CAMKMT: variants seen among roughly 807,000 people sequenced by gnomAD.
The protein encoded by CAMKMT is calmodulin-lysine N-methyltransferase, also known as CaM KMT.
Under a neutral mutation model 48.0 loss-of-function variants are expected in CAMKMT, and 53 were observed. The observed-to-expected ratio is 1.10, with a 90% CI of 0.89 to 1.39. The LOEUF (loss-of-function observed/expected upper bound fraction) is 1.39, where lower values mean the gene tolerates loss of function less well. Ranked by LOEUF, CAMKMT falls within the 40% of genes most tolerant of loss-of-function variation. The pLI is 0.00. For synonymous variants in CAMKMT, 165 were observed against 152.3 expected, an observed-to-expected ratio of 1.08 and a Z score of -0.61; for missense variants, 428 against 402.7, an observed-to-expected ratio of 1.06 and a Z score of -0.54.
At chr2:44,546,202 C>T (rs186728993) in intron 3 of CAMKMT, among the ~76,000 whole-genome samples, 3 of 138,924 alleles carry the variant, frequency 2.2e-5, no homozygotes, top group African/African-American at 7.5e-5. Context: ...CACACACACA[C>T]ATACATGCAC....
At chr2:44,494,052 G>A (rs1265412074) in intron 3 of CAMKMT, among the ~76,000 whole-genome samples, 2 of 152,084 alleles carry the variant, frequency 1.3e-5, no homozygotes, top group Non-Finnish European at 2.9e-5. Context: ...TTAACTTACT[G>A]CCAAATAAGA....
intron 3 of CAMKMT, among the ~76,000 whole-genome samples, chr2:44,660,146 A>G (rs1674602924): frequency 6.6e-6 from 1 of 152,222 alleles, no homozygotes; most frequent in African/African-American, 2.4e-5. Flanking sequence ...AATGGGTAAA[A>G]CATTCTTATA....
At chr2:44,516,638 C>T (rs1029822436) in intron 3 of CAMKMT, among the ~76,000 whole-genome samples, 1 of 151,262 alleles carries the variant, frequency 6.6e-6, no homozygotes, top group Non-Finnish European at 1.5e-5. Context: ...AATTATATGG[C>T]CTTTCAATAA....
chr2:44,608,649 A>C (rs1280439681), intron 3 of CAMKMT, among the ~76,000 whole-genome samples: 2 of 151,834 alleles, frequency 1.3e-5, no homozygotes, highest in Non-Finnish European at 2.9e-5. Flanking sequence ...CCTCTTGATT[A>C]TCTCTCTCTC....
chr2:44,440,356 A>G (rs1666571556), intron 3 of CAMKMT, among the ~76,000 whole-genome samples: 1 of 152,138 alleles, frequency 6.6e-6, no homozygotes, highest in African/African-American at 2.4e-5. Flanking sequence ...TTTTGGATGA[A>G]GAACCCAACA....
intron 3 of CAMKMT, among the ~76,000 whole-genome samples, chr2:44,511,624 C>T (rs698838): frequency 0.51 from 77,770 of 152,060 alleles, 21,366 homozygotes; most frequent in Middle Eastern, 0.67. Context: ...TAGTATTTCA[C>T]GTCCTACATT....
At chr2:44,681,521 G>T (rs951353294) in intron 3 of CAMKMT, among the ~76,000 whole-genome samples, 12 of 149,764 alleles carry the variant, frequency 8.0e-5, no homozygotes, top group Non-Finnish European at 3.0e-5. Context: ...TTAAAGTGCT[G>T]AATTAAAGCT....
Position 44,372,819 on chromosome 2 carries a change from C to G in CAMKMT, c.242C>G (p.Thr81Ser), listed in dbSNP as rs1375312322. 3 of 1,613,876 alleles carry G rather than the reference C, an allele frequency of 1.9e-6. No individual in the cohort carries two copies. The highest frequency in any genetic ancestry group is 1.7e-5 in the Admixed American group (1 of 59,990). The change falls in exon 2 of 11, where the codon ACT becomes AGT. Residue 81 changes from threonine (T) to serine (S), a missense_variant. Coordinates refer to ENST00000378494, the MANE Select transcript of CAMKMT (RefSeq NM_024766.5). ...FSVTEGKERE[T>S]EEEVGAWVQY... Reference sequence around the variant, plus strand: ...GTAACAGAAGGCAAAGAAAGGGAAACTGAAGAGGAGGTTGGTGCATGGGTC... The same window carrying G: ...GTAACAGAAGGCAAAGAAAGGGAAAGTGAAGAGGAGGTTGGTGCATGGGTC...
At chr2:44,367,054 T>TG (rs1678670832) in intron 1 of CAMKMT, among the ~76,000 whole-genome samples, 1 of 152,140 alleles carries the variant, frequency 6.6e-6, no homozygotes, top group African/African-American at 2.4e-5. Context: ...CGGGAAACAC[T>TG]ATAGCTTCCG....
intron 6 of CAMKMT, among the ~76,000 whole-genome samples, chr2:44,712,431 CAT>C (rs1411968987): frequency 1.3e-5 from 2 of 151,884 alleles, no homozygotes; most frequent in East Asian, 1.9e-4. Context: ...ATACATATAA[CAT>C]GTATATAATT....
intron 3 of CAMKMT, among the ~76,000 whole-genome samples, chr2:44,686,069 G>C (rs1435813452): frequency 6.6e-6 from 1 of 152,100 alleles, no homozygotes; most frequent in South Asian, 2.1e-4. Context: ...ACCTTCATCA[G>C]CTCTCATCTG....
intron 9 of CAMKMT, among the ~76,000 whole-genome samples, chr2:44,759,938 G>C (rs1017932211): frequency 6.6e-6 from 1 of 152,168 alleles, no homozygotes; most frequent in African/African-American, 2.4e-5. Context: ...TTTGTTTTGT[G>C]AATCTTTCGA....
intron 3 of CAMKMT, among the ~76,000 whole-genome samples, chr2:44,508,872 G>C (rs1358500342): frequency 6.6e-6 from 1 of 152,066 alleles, no homozygotes; most frequent in Non-Finnish European, 1.5e-5. Context: ...AAGGCAGGTG[G>C]ATCACCTGAG....
chr2:44,628,181 C>T (rs1013390815), intron 3 of CAMKMT, among the ~76,000 whole-genome samples: 6 of 152,094 alleles, frequency 3.9e-5, no homozygotes, highest in Non-Finnish European at 5.9e-5. Context: ...CTCTTGAGCT[C>T]GAGCAGTCCT....
chr2:44,433,467 A>G (rs1014298578), intron 3 of CAMKMT, among the ~76,000 whole-genome samples: 3 of 152,166 alleles, frequency 2.0e-5, no homozygotes, highest in African/African-American at 4.8e-5. Flanking sequence ...ATAAGTTTGT[A>G]TACGAAAAGA....
At position 44,618,497 on chromosome 2, in the gene CAMKMT, C is replaced by T. The variant is rs981435889; in HGVS notation, c.377-85786C>T. The stretch of plus-strand genomic sequence containing the variant: ...TTTAGGTCGAAGGCTTTTCAGACTG[C>T]GATGAGATGACATTGATGATGACAC... On this transcript the variant is annotated intron_variant, in intron 3 of 10. Transcript: ENST00000378494. This position sits in a 1 kb window ranked among gnomAD's most constrained non-coding sequence, Gnocchi z 4.0. Among the ~76,000 whole-genome samples the T allele has an allele frequency of 6.6e-6, 1 of 152,130 alleles. No individual in the cohort carries two copies. Among genetic ancestry groups the T allele is most frequent in the Non-Finnish European group, 1.5e-5 (1 of 68,030 alleles).
chr2:44,430,070 G>C (rs1485784953), intron 3 of CAMKMT, among the ~76,000 whole-genome samples: 1 of 151,722 alleles, frequency 6.6e-6, no homozygotes, highest in African/African-American at 2.4e-5. Context: ...ACTTTCAATG[G>C]GCTTTCGGCT....
intron 3 of CAMKMT, among the ~76,000 whole-genome samples, chr2:44,607,306 CA>C (rs1297868808): frequency 1.3e-5 from 2 of 152,126 alleles, no homozygotes; most frequent in African/African-American, 2.4e-5. Context: ...ATGTTTATCA[CA>C]GTGGAAATGG....
At chr2:44,578,457 G>A (rs1465402405) in intron 3 of CAMKMT, among the ~76,000 whole-genome samples, 1 of 70,038 alleles carries the variant, frequency 1.4e-5, no homozygotes, top group African/African-American at 5.8e-5. Flanking sequence ...GTGTAGATCT[G>A]CGATCTTCAG....
Sources: gnomAD v4.1 joint callset for allele counts (sites outside exome capture counted in the v4.1 genomes callset) on GRCh38, gnomAD v4.1.1 for gene constraint, Gnocchi (gnomAD v3.1) non-coding constraint, MANE v1.5 for transcripts, NCBI Gene and HGNC (gene_info 2026-07-23, HGNC 2026-07-21) for gene names.